Variants in CELF2 observed in about 807,000 individuals in gnomAD.
CELF2 encodes CUG triplet repeat RNA-binding protein 2.
In CELF2, 8 loss-of-function variants were observed where a neutral mutation model predicts 62.6. The ratio of observed to expected loss-of-function variants is 0.13; its 90% confidence interval spans 0.07 to 0.23. CELF2 has a LOEUF of 0.23. Among genes scored for constraint, CELF2 ranks in the 10% least tolerant of loss-of-function variants. CELF2 has a pLI of 1.00. For synonymous variants in CELF2, 258 were observed against 250.0 expected, an observed-to-expected ratio of 1.03 and a Z score of -0.30; for missense variants, 333 against 671.0, an observed-to-expected ratio of 0.50 and a Z score of 5.56.
In CELF2 at chr10:11,290,704, C is replaced by T. The variant is rs1443203520; in HGVS notation, c.976+2152C>T. On this transcript the variant is annotated intron_variant, in intron 9 of 12. Coordinates refer to ENST00000633077, the MANE Select transcript of CELF2 (RefSeq NM_001326342.2). The surrounding 1 kb of genome is among the most constrained non-coding windows in gnomAD (Gnocchi z 4.3). ...TGGAGTCAAAACCACACCAGCGCAG[C>T]GTCCTTGCCTTGACTGCTCTGTAAG... Among the ~76,000 whole-genome samples, 8 of 152,168 alleles carry T rather than the reference C, an allele frequency of 5.3e-5. No individual in the cohort carries two copies. The highest frequency in any genetic ancestry group is 1.7e-4 in the African/African-American group (7 of 41,444).
the CELF2 span, among the ~76,000 whole-genome samples, chr10:10,632,868 G>A: frequency 1.8e-4 from 28 of 152,198 alleles, no homozygotes; most frequent in Admixed American, 4.6e-4. Context: ...ACACAGCTAC[G>A]ATTATGTATA....
chr10:10,748,428 A>AG, the CELF2 span, among the ~76,000 whole-genome samples: 1 of 152,018 alleles, frequency 6.6e-6, no homozygotes, highest in African/African-American at 2.4e-5. Flanking sequence ...AGGAGAGGAG[A>AG]GGCAGGATCC....
At chr10:10,879,232 C>T (rs1445303248) in intron 1 of CELF2, among the ~76,000 whole-genome samples, 1 of 152,196 alleles carries the variant, frequency 6.6e-6, no homozygotes, top group African/African-American at 2.4e-5. Flanking sequence ...GAATGCAATT[C>T]ATTGCATCTG....
the CELF2 span, among the ~76,000 whole-genome samples, chr10:10,779,672 C>T: frequency 6.6e-6 from 1 of 152,132 alleles, no homozygotes; most frequent in African/African-American, 2.4e-5. Context: ...TAAGGAGATG[C>T]TCATGGCCTC....
At chr10:10,992,777 A>G (rs190193863) in intron 2 of CELF2, among the ~76,000 whole-genome samples, 1 of 152,180 alleles carries the variant, frequency 6.6e-6, no homozygotes, top group Non-Finnish European at 1.5e-5. Flanking sequence ...TGATAAATGG[A>G]TGTTTGTTAC....
chr10:10,724,675 AAAG>A, the CELF2 span, among the ~76,000 whole-genome samples: 1 of 151,094 alleles, frequency 6.6e-6, no homozygotes, highest in Non-Finnish European at 1.5e-5. Flanking sequence ...AAAAAAGAAA[AAAG>A]AAAAGTGCGA....
the CELF2 span, among the ~76,000 whole-genome samples, chr10:10,478,838 T>C: frequency 6.6e-6 from 1 of 152,306 alleles, no homozygotes; most frequent in Non-Finnish European, 1.5e-5. Flanking sequence ...TGTAAATCAC[T>C]GGAAGCAACA....
the CELF2 span, among the ~76,000 whole-genome samples, chr10:10,572,099 T>C: frequency 6.6e-5 from 10 of 152,228 alleles, no homozygotes; most frequent in African/African-American, 2.4e-4. Flanking sequence ...TGGCAACACG[T>C]ATGGTATTAG....
At chr10:11,102,974 A>C (rs1243439564) in intron 1 of CELF2, among the ~76,000 whole-genome samples, 3 of 152,078 alleles carry the variant, frequency 2.0e-5, no homozygotes, top group African/African-American at 4.8e-5. Context: ...CTACCTCTAC[A>C]CAAAAGTTAC....
At chr10:11,148,682 G>GGAACCACT (rs1218137208) in intron 1 of CELF2, among the ~76,000 whole-genome samples, 5 of 152,102 alleles carry the variant, frequency 3.3e-5, no homozygotes, top group Non-Finnish European at 7.4e-5. Flanking sequence ...TTTTAATAAT[G>GGAACCACT]TATGCTTTCA....
chr10:11,149,333 G>C (rs2062870141), intron 1 of CELF2, among the ~76,000 whole-genome samples: 1 of 152,162 alleles, frequency 6.6e-6, no homozygotes, highest in Non-Finnish European at 1.5e-5. Flanking sequence ...GCCTCCCAAA[G>C]TGCTGCGATA....
chr10:10,601,607 TA>T, the CELF2 span, among the ~76,000 whole-genome samples: 1 of 152,208 alleles, frequency 6.6e-6, no homozygotes, highest in Non-Finnish European at 1.5e-5. Flanking sequence ...GACTGCATTA[TA>T]AATTTAAGGA....
intron 1 of CELF2, among the ~76,000 whole-genome samples, chr10:10,855,075 C>T (rs2059625542): frequency 6.6e-6 from 1 of 152,204 alleles, no homozygotes; most frequent in Admixed American, 6.5e-5. Flanking sequence ...GTCCACCAGC[C>T]TCTCTCTGGT....
chr10:11,308,455 C>T (rs1424007846), intron 9 of CELF2, among the ~76,000 whole-genome samples: 1 of 152,056 alleles, frequency 6.6e-6, no homozygotes, highest in African/African-American at 2.4e-5. Flanking sequence ...TTTTTCTTTC[C>T]ATCCTTTAGA....
At position 11,178,260 on chromosome 10, in the gene CELF2, C is replaced by A. The variant is rs1041060824; in HGVS notation, c.271+12578C>A. On this transcript the variant is annotated intron_variant, in intron 2 of 12. Coordinates refer to ENST00000633077, the MANE Select transcript of CELF2 (RefSeq NM_001326342.2). This position sits in a 1 kb window ranked among gnomAD's most constrained non-coding sequence, Gnocchi z 4.3. ...GAAGTGGACATCTGTCTAATGGGAA[C>A]TGGACGGTGACCACCAGTCCGTTTT... Among the ~76,000 whole-genome samples the A allele has an allele frequency of 1.3e-5, 2 of 152,204 alleles. No individual in the cohort carries two copies. The highest frequency in any genetic ancestry group is 2.9e-5 in the Non-Finnish European group (2 of 68,042).
chr10:10,712,254 G>A, the CELF2 span, among the ~76,000 whole-genome samples: 9 of 149,922 alleles, frequency 6.0e-5, no homozygotes, highest in African/African-American at 9.9e-5. Flanking sequence ...TCACACCCAC[G>A]TCCATCCATC....
At chr10:11,175,069 C>A (rs543904611) in intron 2 of CELF2, among the ~76,000 whole-genome samples, 1 of 151,866 alleles carries the variant, frequency 6.6e-6, no homozygotes, top group African/African-American at 2.4e-5. Flanking sequence ...TCTGCCCCCC[C>A]GCCCCAAATG....
At chr10:10,538,764 G>GCC in the CELF2 span, among the ~76,000 whole-genome samples, 1 of 152,272 alleles carries the variant, frequency 6.6e-6, no homozygotes, top group East Asian at 1.9e-4. Context: ...AGGAAAGGAG[G>GCC]CCACCGTACT....
the CELF2 span, among the ~76,000 whole-genome samples, chr10:10,578,827 A>G: frequency 8.5e-5 from 13 of 152,138 alleles, no homozygotes; most frequent in Non-Finnish European, 1.9e-4. Flanking sequence ...TTCTTCCTCT[A>G]AGAGCTAAGA....
Sources: gnomAD v4.1 joint callset for allele counts (sites outside exome capture counted in the v4.1 genomes callset) on GRCh38, gnomAD v4.1.1 for gene constraint, Gnocchi (gnomAD v3.1) non-coding constraint, MANE v1.5 for transcripts, NCBI Gene and HGNC (gene_info 2026-07-23, HGNC 2026-07-21) for gene names.